UST: variants seen among roughly 807,000 people sequenced by gnomAD.
UST encodes uronyl 2-sulfotransferase, also known as chondroitin sulfate 2-O-sulfotransferase.
UST carries 21 observed loss-of-function variants against 45.6 expected under a neutral mutation model. That is an observed-to-expected ratio of 0.46 (90% CI 0.33 to 0.66). The LOEUF is 0.66. UST is among the 30% of genes least tolerant of loss of function. UST has a pLI of 0.02. For missense variants in UST, 463 were observed against 512.4 expected, an observed-to-expected ratio of 0.90 and a Z score of 0.93; for synonymous variants, 215 against 200.6, an observed-to-expected ratio of 1.07 and a Z score of -0.61.
At chr6:148,885,879 C>G (rs947407170) in intron 1 of UST, among the ~76,000 whole-genome samples, 1 of 152,208 alleles carries the variant, frequency 6.6e-6, no homozygotes, top group African/African-American at 2.4e-5. Flanking sequence ...CCCCAATCAT[C>G]TACTGTTCTC....
At chr6:148,889,056 G>A (rs1778963404) in intron 2 of UST, among the ~76,000 whole-genome samples, 1 of 152,242 alleles carries the variant, frequency 6.6e-6, no homozygotes, top group Non-Finnish European at 1.5e-5. Flanking sequence ...CTTTCACTGA[G>A]CCAGTATTCT....
intron 1 of UST, among the ~76,000 whole-genome samples, chr6:148,861,324 CTGTGGG>C (rs1778308127): frequency 6.6e-6 from 1 of 152,106 alleles, no homozygotes; most frequent in African/African-American, 2.4e-5. Flanking sequence ...GTTTGTATTT[CTGTGGG>C]ATCGGTGATG....
intron 7 of UST, among the ~76,000 whole-genome samples, chr6:149,066,876 T>A (rs567026881): frequency 6.6e-6 from 1 of 152,232 alleles, no homozygotes; most frequent in Non-Finnish European, 1.5e-5. Context: ...AGTTTGAGGC[T>A]GCAGTGAGCC....
intron 1 of UST, among the ~76,000 whole-genome samples, chr6:148,879,159 A>G (rs1460755211): frequency 6.6e-6 from 1 of 152,146 alleles, no homozygotes; most frequent in East Asian, 1.9e-4. Context: ...CTCCCAGGCA[A>G]CCTGTGAGCT....
intron 7 of UST, among the ~76,000 whole-genome samples, chr6:149,059,622 T>C (rs544316799): frequency 6.6e-6 from 1 of 152,350 alleles, no homozygotes; most frequent in East Asian, 1.9e-4. Flanking sequence ...TATTTTATTT[T>C]ATTTCTCTTA....
At chr6:148,909,369 C>T (rs531737117) in intron 2 of UST, among the ~76,000 whole-genome samples, 7 of 152,310 alleles carry the variant, frequency 4.6e-5, no homozygotes, top group East Asian at 1.9e-4. Flanking sequence ...GATGCCCGTG[C>T]GCTTCCTACC....
intron 1 of UST, among the ~76,000 whole-genome samples, chr6:148,769,138 A>G (rs149452891): frequency 4.3e-4 from 66 of 152,354 alleles, no homozygotes; most frequent in Non-Finnish European, 7.9e-4. Context: ...AGCCTTGCAC[A>G]TACACCCTTT....
chr6:148,905,795 C>T (rs1283620410), intron 2 of UST, among the ~76,000 whole-genome samples: 6 of 152,216 alleles, frequency 3.9e-5, no homozygotes, highest in Non-Finnish European at 7.3e-5. Flanking sequence ...AAGAGGAAGG[C>T]AGCCTTGGGC....
chr6:149,036,679 C>G (rs917964257), intron 7 of UST, among the ~76,000 whole-genome samples: 1 of 152,348 alleles, frequency 6.6e-6, no homozygotes, highest in South Asian at 2.1e-4. Flanking sequence ...TGATGTGAAT[C>G]AAACTACCGT....
At chr6:148,971,381 T>C (rs1780916875) in intron 5 of UST, among the ~76,000 whole-genome samples, 1 of 152,208 alleles carries the variant, frequency 6.6e-6, no homozygotes, top group African/African-American at 2.4e-5. Flanking sequence ...TCAGTCCTCA[T>C]GGAGCTCACA....
In UST at chr6:148,752,118, G is replaced by A. The variant is rs74375954; in HGVS notation, c.247+4441G>A. ...AGTTCTCAGAATTGCCAATCTTTAC[G>A]TATATTATATATGAGCCTGGCAATT... On this transcript the variant is annotated intron_variant, in intron 1 of 7. Coordinates refer to ENST00000367463, the MANE Select transcript of UST (RefSeq NM_005715.3). Among the ~76,000 whole-genome samples the A allele has an allele frequency of 2.8e-4, 43 of 152,126 alleles. No homozygotes were observed. The South Asian group carries it at 4.8e-3, about 17-fold the overall frequency.
chr6:149,005,114 A>T (rs1781623220), intron 5 of UST, among the ~76,000 whole-genome samples: 1 of 152,062 alleles, frequency 6.6e-6, no homozygotes, highest in South Asian at 2.1e-4. Context: ...CAGATCTAGA[A>T]CCTTTGTATC....
chr6:149,071,002 G>A (rs998360140), intron 7 of UST, among the ~76,000 whole-genome samples: 18 of 152,176 alleles, frequency 1.2e-4, no homozygotes, highest in African/African-American at 3.4e-4. Context: ...TCTTGGCCTC[G>A]TGATCCACCT....
intron 1 of UST, among the ~76,000 whole-genome samples, chr6:148,833,225 T>C (rs930392567): frequency 2.0e-5 from 3 of 152,228 alleles, no homozygotes; most frequent in African/African-American, 7.2e-5. Context: ...CAGTGGCTCA[T>C]GCCTGTAATC....
At chr6:148,869,732 T>G (rs1449327585) in intron 1 of UST, among the ~76,000 whole-genome samples, 1 of 152,118 alleles carries the variant, frequency 6.6e-6, no homozygotes, top group African/African-American at 2.4e-5. Context: ...TTTAATGCAG[T>G]TTATTTGAAA....
chr6:148,905,867 T>G (rs1021797140), intron 2 of UST, among the ~76,000 whole-genome samples: 4 of 152,228 alleles, frequency 2.6e-5, no homozygotes, highest in African/African-American at 9.6e-5. Context: ...TCTGACCTTA[T>G]AATATTCTTC....
At chr6:148,979,605 A>G (rs1221567302) in intron 5 of UST, among the ~76,000 whole-genome samples, 2 of 152,246 alleles carry the variant, frequency 1.3e-5, no homozygotes, top group African/African-American at 4.8e-5. Flanking sequence ...CCATTCAGCT[A>G]CAAATGTGGA....
At chr6:148,871,145 T>TCTCTCTCTCTCTCC (rs1032229926) in intron 1 of UST, among the ~76,000 whole-genome samples, 5 of 135,106 alleles carry the variant, frequency 3.7e-5, no homozygotes, top group South Asian at 2.4e-4. Context: ...TCTCTCTCTC[T>TCTCTCTCTCTCTCC]CCCTCTCTCC....
At chr6:149,039,056 G>A (rs1458533622) in intron 7 of UST, among the ~76,000 whole-genome samples, 1 of 152,096 alleles carries the variant, frequency 6.6e-6, no homozygotes, top group Admixed American at 6.5e-5. Context: ...AATACCAAGA[G>A]AACTGCAGTT....
Sources: gnomAD v4.1 joint callset for allele counts (sites outside exome capture counted in the v4.1 genomes callset) on GRCh38, gnomAD v4.1.1 for gene constraint, MANE v1.5 for transcripts, NCBI Gene and HGNC (gene_info 2026-07-23, HGNC 2026-07-21) for gene names.